RPRD1B: variants seen among roughly 807,000 people sequenced by gnomAD.
The protein encoded by RPRD1B is regulation of nuclear pre-mRNA domain-containing protein 1B.
RPRD1B carries 11 observed loss-of-function variants against 41.5 expected under a neutral mutation model. That is an observed-to-expected ratio of 0.27 (90% CI 0.17 to 0.44). The LOEUF (loss-of-function observed/expected upper bound fraction) is 0.44, where lower values mean the gene tolerates loss of function less well. Among genes scored for constraint, RPRD1B ranks in the 20% least tolerant of loss-of-function variants. The pLI is 1.00. For missense variants in RPRD1B, 248 were observed against 389.9 expected, an observed-to-expected ratio of 0.64 and a Z score of 3.06; for synonymous variants, 158 against 155.6, an observed-to-expected ratio of 1.02 and a Z score of -0.12.
intron 3 of RPRD1B, among the ~76,000 whole-genome samples, chr20:38,052,388 T>G (rs1196018703): frequency 6.6e-6 from 1 of 152,152 alleles, no homozygotes; most frequent in East Asian, 1.9e-4. Context: ...TTCCCTGGGT[T>G]TATGCCTGGA....
In RPRD1B at chr20:38,091,235, G is replaced by C. The variant is rs1412843775; in HGVS notation, c.*1360G>C. 1.0e-6 allele frequency: 1 copy of C among 985,744 alleles called. No homozygotes were observed. Among genetic ancestry groups the C allele is most frequent in the Admixed American group, 6.1e-5 (1 of 16,264 alleles). The allele number at this position is 985,744 out of a possible 1,614,324, so 61.1% of individuals were successfully genotyped here. The stretch of plus-strand genomic sequence containing the variant: ...CCCAAACTATATAAAAAGGAATTCA[G>C]TGGAGGGGGCTTTGTAATCTCCATT... On this transcript the variant is annotated 3_prime_UTR_variant, in exon 7 of 7. Transcript: ENST00000373433.
At chr20:38,069,832 TGA>T (rs2074394247) in intron 6 of RPRD1B, among the ~76,000 whole-genome samples, 2 of 152,240 alleles carry the variant, frequency 1.3e-5, no homozygotes, top group Admixed American at 6.5e-5. Context: ...ATTAAAATTG[TGA>T]GAGTTATCAA....
At chr20:38,050,835 T>G (rs997112648) in intron 3 of RPRD1B, among the ~76,000 whole-genome samples, 1 of 152,208 alleles carries the variant, frequency 6.6e-6, no homozygotes, top group Non-Finnish European at 1.5e-5. Flanking sequence ...TCTATAAAGA[T>G]GAAAACACAC....
intron 6 of RPRD1B, chr20:38,070,586 C>G (rs1342428313): frequency 1.0e-6 from 1 of 985,290 alleles, no homozygotes; most frequent in Non-Finnish European, 1.2e-6. Context: ...GGGTTCCTGT[C>G]TTGTCAGCGT....
intron 2 of RPRD1B, among the ~76,000 whole-genome samples, chr20:38,048,134 G>C (rs2122706007): frequency 6.6e-6 from 1 of 152,226 alleles, no homozygotes; most frequent in Admixed American, 6.5e-5. Context: ...GGTCCTATTT[G>C]ATTTCAATTA....
chr20:38,052,776 T>G (rs1283773751), intron 3 of RPRD1B, among the ~76,000 whole-genome samples: 1 of 149,880 alleles, frequency 6.7e-6, no homozygotes, highest in Non-Finnish European at 1.5e-5. Context: ...TTTTTTTTTT[T>G]TTTTAAATCA....
At position 38,089,970 on chromosome 20, in the gene RPRD1B, T is replaced by C; in HGVS notation, c.*95T>C. 2 of 1,519,876 alleles carry C rather than the reference T, an allele frequency of 1.3e-6. No individual in the cohort carries two copies. The highest frequency in any genetic ancestry group is 1.8e-6 in the Non-Finnish European group (2 of 1,138,416). The allele number at this position is 1,519,876 out of a possible 1,614,324, so 94.1% of individuals were successfully genotyped here. On this transcript the variant is annotated 3_prime_UTR_variant, in exon 7 of 7. Transcript: ENST00000373433. ...ACCTTCTAGCCCCTGGTTCTATCCC[T>C]TCTTCCGCCCAGCCCCCCAGCCTCA... is the stretch of plus-strand genomic sequence containing the variant.
At chr20:38,080,198 T>G (rs753178882) in intron 6 of RPRD1B, among the ~76,000 whole-genome samples, 35 of 152,250 alleles carry the variant, frequency 2.3e-4, no homozygotes, top group Non-Finnish European at 1.3e-4. Context: ...TTTCTTTTGC[T>G]GTGTAGAAGC....
At chr20:38,042,709 C>T (rs1467871181) in intron 2 of RPRD1B, among the ~76,000 whole-genome samples, 7 of 152,190 alleles carry the variant, frequency 4.6e-5, no homozygotes, top group Admixed American at 3.9e-4. Context: ...TGATGCAGCT[C>T]GTCCACAGTA....
intron 3 of RPRD1B, chr20:38,049,885 T>G: frequency 2.1e-6 from 1 of 470,346 alleles, no homozygotes; most frequent in Non-Finnish European, 4.4e-6. Context: ...TGCCACTTCC[T>G]CACTTACACT....
At chr20:38,045,655 A>G (rs180685158) in intron 2 of RPRD1B, among the ~76,000 whole-genome samples, 1 of 152,318 alleles carries the variant, frequency 6.6e-6, no homozygotes, top group Non-Finnish European at 1.5e-5. Flanking sequence ...TGGAGTCCCA[A>G]GTATCTCCAG....
intron 2 of RPRD1B, among the ~76,000 whole-genome samples, chr20:38,047,658 T>C (rs937861406): frequency 2.0e-5 from 3 of 152,228 alleles, no homozygotes; most frequent in East Asian, 3.9e-4. Flanking sequence ...GTGCTAGTTA[T>C]AGTCCTTTAT....
intron 3 of RPRD1B, among the ~76,000 whole-genome samples, chr20:38,055,226 T>C (rs1466969021): frequency 6.6e-6 from 1 of 152,230 alleles, no homozygotes. Flanking sequence ...AACAACAAAT[T>C]AGAAACATTG....
intron 1 of RPRD1B, 123 bp from the exon 2 acceptor site, chr20:38,040,312 A>T (rs913554085): frequency 4.7e-6 from 3 of 642,610 alleles, no homozygotes; most frequent in African/African-American, 3.8e-5. Flanking sequence ...AAACATATCT[A>T]CTTGACCCCC....
chr20:38,057,655 A>G lies in RPRD1B; in HGVS notation c.528+11A>G, dbSNP rs1247464138. The G allele has an allele frequency of 1.9e-6, 3 of 1,581,802 alleles. No individual in the cohort carries two copies. Among genetic ancestry groups the G allele is most frequent in the East Asian group, 4.5e-5 (2 of 44,692 alleles). ...GCAGGACCCCTCTTGGTAGGTCTTG[A>G]CCCCCAGAGAGTAGGGAACAGTGGC... On this transcript the variant is annotated intron_variant, in intron 4 of 6. Transcript: ENST00000373433.
At chr20:38,082,157 G>C (rs2074518652) in intron 6 of RPRD1B, among the ~76,000 whole-genome samples, 1 of 152,078 alleles carries the variant, frequency 6.6e-6, no homozygotes. Flanking sequence ...TTATATGTCT[G>C]GTAGATTTTG....
intron 3 of RPRD1B, among the ~76,000 whole-genome samples, chr20:38,052,245 G>T (rs1010104399): frequency 6.6e-6 from 1 of 152,182 alleles, no homozygotes; most frequent in African/African-American, 2.4e-5. Context: ...GCCAGTTCTA[G>T]TATCTAATGT....
At chr20:38,086,060 C>A (rs6123341) in intron 6 of RPRD1B, among the ~76,000 whole-genome samples, 1 of 152,122 alleles carries the variant, frequency 6.6e-6, no homozygotes, top group Non-Finnish European at 1.5e-5. Context: ...AGTGATCCAC[C>A]TGCCTCAGCC....
intron 2 of RPRD1B, among the ~76,000 whole-genome samples, chr20:38,046,022 G>A (rs2074117247): frequency 6.6e-6 from 1 of 152,136 alleles, no homozygotes; most frequent in African/African-American, 2.4e-5. Flanking sequence ...ATATACTTCA[G>A]CTACTTGAAT....
Sources: gnomAD v4.1 joint callset for allele counts (sites outside exome capture counted in the v4.1 genomes callset) on GRCh38, gnomAD v4.1.1 for gene constraint, MANE v1.5 for transcripts, NCBI Gene and HGNC (gene_info 2026-07-23, HGNC 2026-07-21) for gene names.